Variants in KCTD20 observed in about 807,000 individuals in gnomAD.
KCTD20 encodes the protein potassium channel tetramerization domain containing 20.
A neutral mutation model predicts 39.6 loss-of-function variants in KCTD20; 30 were observed. That is an observed-to-expected ratio of 0.76 (90% confidence interval 0.57 to 1.03). The LOEUF (loss-of-function observed/expected upper bound fraction) is 1.03, where lower values mean the gene tolerates loss of function less well. Among genes scored for constraint, KCTD20 ranks in the 50% least tolerant of loss-of-function variants. KCTD20 has a pLI of 0.00. For missense variants in KCTD20, 422 were observed against 522.0 expected, an observed-to-expected ratio of 0.81 and a Z score of 1.87; for synonymous variants, 162 against 180.6, an observed-to-expected ratio of 0.90 and a Z score of 0.83.
chr6:36,461,195 T>C (rs2127437361), intron 1 of KCTD20, among the ~76,000 whole-genome samples: 1 of 152,314 alleles, frequency 6.6e-6, no homozygotes, highest in African/African-American at 2.4e-5. Flanking sequence ...ATTTGATTAT[T>C]AGTTGAAGAA....
intron 1 of KCTD20, among the ~76,000 whole-genome samples, chr6:36,445,154 C>T (rs562370603): frequency 4.0e-5 from 6 of 150,042 alleles, no homozygotes; most frequent in African/African-American, 9.8e-5. Context: ...CCCAGCTACA[C>T]GGGAGGCTGA....
intron 1 of KCTD20, among the ~76,000 whole-genome samples, chr6:36,449,720 C>T (rs1202775282): frequency 6.6e-6 from 1 of 152,140 alleles, no homozygotes; most frequent in African/African-American, 2.4e-5. Context: ...ATTTTGAGGA[C>T]TCCAGACATA....
At chr6:36,450,254 G>A (rs1775206300) in intron 1 of KCTD20, among the ~76,000 whole-genome samples, 1 of 151,590 alleles carries the variant, frequency 6.6e-6, no homozygotes, top group African/African-American at 2.4e-5. Context: ...TTGGGAGGTG[G>A]AGGCAGGTGG....
chr6:36,464,351 T>C (rs909486157), intron 1 of KCTD20, among the ~76,000 whole-genome samples: 3 of 152,194 alleles, frequency 2.0e-5, no homozygotes, highest in Non-Finnish European at 2.9e-5. Context: ...GACTGGGTCT[T>C]GCTCTGTCAT....
At chr6:36,448,095 C>A (rs1360035686) in intron 1 of KCTD20, among the ~76,000 whole-genome samples, 2 of 149,576 alleles carry the variant, frequency 1.3e-5, no homozygotes, top group Non-Finnish European at 3.0e-5. Context: ...TCTGCCCTTA[C>A]TAAAACAGGA....
intron 1 of KCTD20, among the ~76,000 whole-genome samples, chr6:36,460,352 G>A (rs989985108): frequency 6.6e-6 from 1 of 152,068 alleles, no homozygotes; most frequent in African/African-American, 2.4e-5. Context: ...AGCCCAGGCT[G>A]GAGTGCAGTG....
intron 1 of KCTD20, among the ~76,000 whole-genome samples, chr6:36,453,791 T>A (rs899786907): frequency 6.6e-6 from 1 of 152,236 alleles, no homozygotes; most frequent in Non-Finnish European, 1.5e-5. Flanking sequence ...ATTACAGATA[T>A]GAGCCACTGT....
chr6:36,482,845 C>G lies in KCTD20; in HGVS notation c.856+1086C>G, dbSNP rs184494129. ...CCTGTAATCCTAGCTACTCTGGAGG[C>G]TGAAACAGGAGAATCACTTGAACCC... On this transcript the variant is annotated intron_variant, in intron 6 of 7. Transcript: ENST00000373731. Among the ~76,000 whole-genome samples, 13 of 150,954 alleles carry G rather than the reference C, an allele frequency of 8.6e-5. No homozygotes were observed. The East Asian group carries it at 2.3e-3, about 27-fold the overall frequency.
At chr6:36,445,799 A>C (rs1340001657) in intron 1 of KCTD20, among the ~76,000 whole-genome samples, 4 of 152,218 alleles carry the variant, frequency 2.6e-5, no homozygotes, top group Non-Finnish European at 5.9e-5. Context: ...CAGAGAAATT[A>C]TAAGTAGATG....
chr6:36,483,030 A>T (rs1776301832), intron 6 of KCTD20, among the ~76,000 whole-genome samples: 1 of 151,060 alleles, frequency 6.6e-6, no homozygotes, highest in Non-Finnish European at 1.5e-5. Flanking sequence ...GAGGCAGGAG[A>T]ATCATTTGAA....
intron 1 of KCTD20, among the ~76,000 whole-genome samples, chr6:36,453,430 C>T (rs1775328345): frequency 1.3e-5 from 2 of 151,708 alleles, no homozygotes; most frequent in African/African-American, 4.8e-5. Flanking sequence ...CTTATATATT[C>T]TTTAGGATTA....
At chr6:36,455,391 G>C (rs1775401739) in intron 1 of KCTD20, among the ~76,000 whole-genome samples, 1 of 152,186 alleles carries the variant, frequency 6.6e-6, no homozygotes, top group Non-Finnish European at 1.5e-5. Flanking sequence ...CTGGGCGACA[G>C]AGCAAGACTC....
intron 1 of KCTD20, among the ~76,000 whole-genome samples, chr6:36,458,495 C>T (rs137858591): frequency 1.4e-5 from 2 of 143,254 alleles, no homozygotes; most frequent in South Asian, 2.3e-4. Context: ...GAGCCAAGAG[C>T]GTGCTACTGC....
chr6:36,449,212 T>C (rs1396444374), intron 1 of KCTD20, among the ~76,000 whole-genome samples: 1 of 152,162 alleles, frequency 6.6e-6, no homozygotes, highest in East Asian at 1.9e-4. Context: ...TTTTACAGAG[T>C]GCTGATTGGT....
At chr6:36,483,553 CA>C (rs1776327926) in intron 6 of KCTD20, among the ~76,000 whole-genome samples, 1 of 152,086 alleles carries the variant, frequency 6.6e-6, no homozygotes, top group South Asian at 2.1e-4. Flanking sequence ...CTTGCTCTTT[CA>C]CCCAGGCTGG....
In KCTD20 at chr6:36,488,132, G is replaced by C. The variant is rs1486488251; in HGVS notation, c.*957G>C. ...AGAGTGCCAGCATGGGGTACATGGA[G>C]TGAAGCTGGGTGGGAAGCATCATCT... On this transcript the variant is annotated 3_prime_UTR_variant, in exon 8 of 8. Coordinates refer to ENST00000373731, the MANE Select transcript of KCTD20 (RefSeq NM_173562.5). The C allele has an allele frequency of 6.6e-6, 1 of 152,234 alleles. No individual in the cohort carries two copies. The highest frequency in any genetic ancestry group is 1.5e-5 in the Non-Finnish European group (1 of 68,044). 9.4% of individuals were successfully genotyped at this position (152,234 alleles called of 1,614,324 possible). A position where few individuals can be genotyped will look rare whatever the true frequency, so the allele number is the denominator to read the frequency against.
intron 1 of KCTD20, among the ~76,000 whole-genome samples, chr6:36,457,208 G>C (rs1278536514): frequency 6.6e-6 from 1 of 152,176 alleles, no homozygotes; most frequent in African/African-American, 2.4e-5. Context: ...TACAGGGATT[G>C]CATGTGAGCC....
At position 36,479,615 on chromosome 6, in the gene KCTD20, A is replaced by T; in HGVS notation, c.562A>T (p.Asn188Tyr). The change falls in exon 5 of 8, where the codon AAT becomes TAT. Residue 188 changes from asparagine (N) to tyrosine (Y), a missense_variant. By Grantham distance (143) the Asn-to-Tyr change is moderately radical. Transcript: ENST00000373731. ...VLDYYKTGII[N>Y]CPDGISIPDL... ...GGATTATTACAAAACCGGTATCATC[A>T]ATTGTCCTGATGGCATCTCTATCCC... 1 of 1,607,740 alleles carries T rather than the reference A, an allele frequency of 6.2e-7. No individual in the cohort carries two copies.
chr6:36,460,420 C>T (rs1465346092), intron 1 of KCTD20, among the ~76,000 whole-genome samples: 3 of 152,192 alleles, frequency 2.0e-5, no homozygotes, highest in Non-Finnish European at 4.4e-5. Flanking sequence ...TCTCCTGCCT[C>T]GGCCTCCCGA....
Sources: allele counts gnomAD v4.1 joint callset (sites outside exome capture counted in the v4.1 genomes callset), GRCh38; gene constraint gnomAD v4.1.1; transcripts MANE v1.5; gene names NCBI Gene and HGNC (gene_info 2026-07-23, HGNC 2026-07-21).